CES1: variants seen among roughly 807,000 people sequenced by gnomAD.
The protein encoded by CES1 is carboxylesterase 1, also known as liver carboxylesterase 1.
CES1 carries 50 observed loss-of-function variants against 53.0 expected under a neutral mutation model. The ratio of observed to expected loss-of-function variants is 0.94; its 90% CI spans 0.75 to 1.19. The LOEUF (loss-of-function observed/expected upper bound fraction) is 1.19, where lower values mean the gene tolerates loss of function less well. CES1 is among the 50% of genes most tolerant of loss of function. The probability of loss-of-function intolerance (pLI) is 0.00; values close to 1 mark genes in which losing one functional copy is unlikely to be tolerated. For missense variants in CES1, 534 were observed against 538.0 expected (o/e 0.99, Z 0.07); for synonymous variants, 202 against 210.1 (o/e 0.96, Z 0.33).
At chr16:55,816,864 A>C (rs1286178466) in intron 8 of CES1, 60 bp downstream of exon 8, 10 of 1,534,978 alleles carry the variant, frequency 6.5e-6, no homozygotes, top group Non-Finnish European at 1.8e-6. Flanking sequence ...ACTCACAGTT[A>C]ATTGGAGCTT....
chr16:55,811,912 A>G (rs1418130671), intron 9 of CES1, among the ~76,000 whole-genome samples: 1 of 152,176 alleles, frequency 6.6e-6, no homozygotes, highest in African/African-American at 2.4e-5. Flanking sequence ...CCTGCGGTCT[A>G]ATGCATGGCT....
At chr16:55,829,071 A>G (rs1411213998) in intron 1 of CES1, 97 bp from the exon 2 acceptor site, 2 of 1,326,534 alleles carry the variant, frequency 1.5e-6, no homozygotes, top group African/African-American at 1.5e-5. Context: ...GACCTTAAAT[A>G]AGTCACCTAA....
chr16:55,831,117 G>T (rs1420836349), intron 1 of CES1, among the ~76,000 whole-genome samples: 1 of 152,144 alleles, frequency 6.6e-6, no homozygotes, highest in Non-Finnish European at 1.5e-5. Context: ...CGGTGGATGT[G>T]TATGGCTTCA....
rs370314655 is a variant in CES1 at position 55,811,012 on chromosome 16, T to TAA, written c.1087-4_1087-3dup. ...GGAGAGTGGATAGCTCATCAACTGC[T>TAA]AAAAAAAAAAAAAAGTTCAGCATTT... On this transcript the variant is annotated splice_polypyrimidine_tract_variant and splice_region_variant and intron_variant, in intron 9 of 13. Coordinates refer to ENST00000360526, the MANE Select transcript of CES1 (RefSeq NM_001025195.2). The TAA allele has an allele frequency of 0.047, 65,381 of 1,385,788 alleles. 342 individuals carry two copies. The highest frequency in any genetic ancestry group is 0.084 in the African/African-American group (4,994 of 59,136). 85.8% of individuals were successfully genotyped at this position (1,385,788 alleles called of 1,614,324 possible).
In CES1 at chr16:55,832,971, A is replaced by T. The variant is rs368325296; in HGVS notation, c.52+33T>A. 286 of 1,463,946 alleles carry T rather than the reference A, an allele frequency of 2.0e-4. 30 individuals are homozygous for T. The highest frequency in any genetic ancestry group is 2.6e-4 in the Non-Finnish European group (281 of 1,060,870). 90.7% of individuals were successfully genotyped at this position (1,463,946 alleles called of 1,614,324 possible). A position where few individuals can be genotyped will look rare whatever the true frequency, so the allele number is the denominator to read the frequency against. Reference sequence around the variant, plus strand: ...TCGGCCCAGAACAAGGATTTCAAAAAGTGCCCCGCATTTTGATTTCAGAAG... The same window carrying T: ...TCGGCCCAGAACAAGGATTTCAAAATGTGCCCCGCATTTTGATTTCAGAAG... On this transcript the variant is annotated intron_variant, in intron 1 of 13. Coordinates refer to ENST00000360526, the MANE Select transcript of CES1 (RefSeq NM_001025195.2).
intron 11 of CES1, among the ~76,000 whole-genome samples, chr16:55,809,726 G>A (rs1412116118): frequency 6.6e-6 from 1 of 152,166 alleles, no homozygotes; most frequent in Admixed American, 6.5e-5. Flanking sequence ...CCTCTCTCTG[G>A]CCTTCTTGGT....
intron 2 of CES1, among the ~76,000 whole-genome samples, chr16:55,826,804 C>T (rs1470336056): frequency 6.6e-6 from 1 of 152,204 alleles, no homozygotes; most frequent in Non-Finnish European, 1.5e-5. Flanking sequence ...CCACCTGCCT[C>T]TCCCAGGCAG....
intron 4 of CES1, 55 bp from the exon 5 acceptor site, chr16:55,821,576 T>C (rs1460305198): frequency 3.1e-6 from 5 of 1,599,242 alleles, no homozygotes; most frequent in Non-Finnish European, 4.3e-6. Context: ...TGCAGGACCT[T>C]CAGGACCACA....
intron 3 of CES1, among the ~76,000 whole-genome samples, chr16:55,825,503 A>T (rs868564714): frequency 6.6e-6 from 1 of 152,198 alleles, no homozygotes; most frequent in Admixed American, 6.5e-5. Context: ...TTAGGGAGGG[A>T]AATTAGGTAC....
chr16:55,830,803 A>AAGGAAGGAAGGAAGGAAGGAAGGAAGGG (rs1555514148), intron 1 of CES1, among the ~76,000 whole-genome samples: 20 of 145,392 alleles, frequency 1.4e-4, no homozygotes, highest in African/African-American at 5.2e-4. Flanking sequence ...GGAAGGAAGG[A>AAGGAAGGAAGGAAGGAAGGAAGGAAGGG]AGGAAGGAAG....
chr16:55,829,015 G>C, intron 1 of CES1, 41 bp from the exon 2 acceptor site: 3 of 1,563,568 alleles, frequency 1.9e-6, no homozygotes, highest in Non-Finnish European at 2.6e-6. Context: ...AGAGGCAAAA[G>C]GCTGGACCCA....
At chr16:55,811,216 A>AAC (rs1352528862) in intron 9 of CES1, among the ~76,000 whole-genome samples, 1 of 151,552 alleles carries the variant, frequency 6.6e-6, no homozygotes, top group African/African-American at 2.4e-5. Context: ...TTTACAAAAA[A>AAC]AAAAAACAAA....
At chr16:55,817,001 A>C (rs554015131) in intron 7 of CES1, 39 bp from the exon 8 acceptor site, 58 of 1,609,808 alleles carry the variant, frequency 3.6e-5, no homozygotes, top group African/African-American at 9.3e-5. Flanking sequence ...TGAGAGGCTT[A>C]CCAGGAGAAC....
At chr16:55,829,497 G>C (rs1164648680) in intron 1 of CES1, among the ~76,000 whole-genome samples, 1 of 152,270 alleles carries the variant, frequency 6.6e-6, no homozygotes, top group Non-Finnish European at 1.5e-5. Flanking sequence ...TCATGGAGGA[G>C]CTGGGACTTG....
At chr16:55,815,597 A>G (rs1483411579) in intron 8 of CES1, among the ~76,000 whole-genome samples, 1 of 152,054 alleles carries the variant, frequency 6.6e-6, no homozygotes, top group Non-Finnish European at 1.5e-5. Flanking sequence ...CCCGTTTCTT[A>G]CCCCTTGCAT....
At chr16:55,817,746 C>CTGTG (rs1436839948) in intron 7 of CES1, among the ~76,000 whole-genome samples, 1 of 140,582 alleles carries the variant, frequency 7.1e-6, no homozygotes, top group Non-Finnish European at 1.5e-5. Flanking sequence ...ATGTGTTTCT[C>CTGTG]TGTGTGTGTG....
chr16:55,820,220 C>T (rs1457472815), intron 6 of CES1, 152 bp downstream of exon 6: 12 of 615,126 alleles, frequency 2.0e-5, no homozygotes, highest in Non-Finnish European at 3.5e-5. Context: ...ATCAAGGTGT[C>T]TCCTCGCCCT....
intron 2 of CES1, 133 bp from the exon 3 acceptor site, chr16:55,826,428 G>C: frequency 8.6e-7 from 1 of 1,163,746 alleles, no homozygotes; most frequent in Non-Finnish European, 1.3e-6. Context: ...ACATTGTAGT[G>C]GGTAGGAGGC....
At chr16:55,831,520 T>C (rs2032672389) in intron 1 of CES1, among the ~76,000 whole-genome samples, 1 of 144,600 alleles carries the variant, frequency 6.9e-6, no homozygotes, top group African/African-American at 2.7e-5. Flanking sequence ...CAGGCATGCA[T>C]TCCAGTTTTT....
Sources: allele counts gnomAD v4.1 joint callset (sites outside exome capture counted in the v4.1 genomes callset), GRCh38; gene constraint gnomAD v4.1.1; transcripts MANE v1.5; gene names NCBI Gene and HGNC (gene_info 2026-07-23, HGNC 2026-07-21).